The following EPB41L4A variants were observed in gnomAD, a reference collection of about 807,000 sequenced individuals.
The protein encoded by EPB41L4A is band 4.1-like protein 4A.
EPB41L4A carries 100 observed loss-of-function variants against 108.6 expected under a neutral mutation model. The ratio of observed to expected loss-of-function variants is 0.92; its 90% CI spans 0.78 to 1.09. The LOEUF is 1.09. EPB41L4A is among the 50% of genes least tolerant of loss of function. EPB41L4A has a pLI of 0.00. For missense variants in EPB41L4A, 1,030 were observed against 842.7 expected (o/e 1.22, Z -2.75); for synonymous variants, 319 against 289.0 (o/e 1.10, Z -1.05).
chr5:112,272,978 A>C (rs1195160148), intron 4 of EPB41L4A, among the ~76,000 whole-genome samples: 1 of 152,126 alleles, frequency 6.6e-6, no homozygotes, highest in Non-Finnish European at 1.5e-5. Context: ...CAAAGAACTA[A>C]ATTAAGATAA....
intron 12 of EPB41L4A, chr5:112,146,108 T>C: frequency 2.6e-6 from 1 of 378,586 alleles, no homozygotes. Flanking sequence ...GATAGGGTCT[T>C]ACAGAATCGA....
chr5:112,256,254 A>G (rs1210477213), intron 9 of EPB41L4A, among the ~76,000 whole-genome samples: 1 of 147,652 alleles, frequency 6.8e-6, no homozygotes, highest in South Asian at 2.1e-4. Flanking sequence ...AAAACCAAGA[A>G]CTAACACATA....
intron 1 of EPB41L4A, among the ~76,000 whole-genome samples, chr5:112,365,560 G>A (rs1035540898): frequency 4.6e-5 from 7 of 152,180 alleles, no homozygotes; most frequent in African/African-American, 1.7e-4. Context: ...TATATACCTG[G>A]CACCCAGCCT....
intron 2 of EPB41L4A, 120 bp downstream of exon 2, chr5:112,307,266 A>G (rs1252079913): frequency 1.9e-5 from 12 of 629,298 alleles, no homozygotes; most frequent in Non-Finnish European, 3.0e-5. Context: ...AACATGTTTG[A>G]GATTTTCAAA....
At chr5:112,308,811 A>T (rs1381785791) in intron 1 of EPB41L4A, among the ~76,000 whole-genome samples, 1 of 151,926 alleles carries the variant, frequency 6.6e-6, no homozygotes, top group Non-Finnish European at 1.5e-5. Context: ...GACCATTACA[A>T]TTCATTTGAT....
downstream of EPB41L4A, chr5:112,158,449 GAA>G (rs758604415): frequency 2.3e-6 from 1 of 428,898 alleles, no homozygotes; most frequent in South Asian, 1.7e-5. Flanking sequence ...ATACCTAAGG[GAA>G]CAAATATCAG....
chr5:112,361,825 T>A (rs1244608147), intron 1 of EPB41L4A, among the ~76,000 whole-genome samples: 1 of 152,066 alleles, frequency 6.6e-6, no homozygotes, highest in African/African-American at 2.4e-5. Flanking sequence ...AGGCAGCAGT[T>A]GCAGTGAGCC....
At position 112,170,339 on chromosome 5, in the gene EPB41L4A, G is replaced by A. The variant is rs767035351; in HGVS notation, c.1701C>T (p.Ser567=). Residue 567 remains serine, a synonymous_variant, in exon 20 of 23, where the codon TCC becomes TCT. Coordinates refer to ENST00000261486, the MANE Select transcript of EPB41L4A (RefSeq NM_022140.5). The part of the protein sequence containing the change: ...QKELVDPSGL[S]EEQLKEIPYT... ...ATGGAATCTCTTTTAATTGTTCTTCGGACAATCCGGATGGATCCACAAGTT... is the reference window on the plus strand; with the variant it reads ...ATGGAATCTCTTTTAATTGTTCTTCAGACAATCCGGATGGATCCACAAGTT... 2.9e-5 allele frequency: 47 copies of A among 1,612,536 alleles called. No individual in the cohort carries two copies. Among genetic ancestry groups the A allele is most frequent in the East Asian group, 1.6e-4 (7 of 44,844 alleles).
chr5:112,265,151 AT>A, intron 5 of EPB41L4A, 135 bp from the exon 6 acceptor site: 1 of 770,162 alleles, frequency 1.3e-6, no homozygotes, highest in Non-Finnish European at 1.9e-6. Flanking sequence ...CAACTAAATA[AT>A]TTTACTAAAA....
chr5:112,385,888 T>C (rs1433394691), intron 1 of EPB41L4A, among the ~76,000 whole-genome samples: 1 of 152,236 alleles, frequency 6.6e-6, no homozygotes, highest in Non-Finnish European at 1.5e-5. Flanking sequence ...GTGGGCAACA[T>C]GCACTGAATT....
intron 2 of EPB41L4A, among the ~76,000 whole-genome samples, chr5:112,305,794 A>T (rs998790898): frequency 6.6e-6 from 1 of 152,196 alleles, no homozygotes; most frequent in Non-Finnish European, 1.5e-5. Context: ...TGCACACCTG[A>T]TATTCTTATC....
At chr5:112,277,467 T>C (rs944521340) in intron 3 of EPB41L4A, among the ~76,000 whole-genome samples, 1 of 152,218 alleles carries the variant, frequency 6.6e-6, no homozygotes, top group African/African-American at 2.4e-5. Flanking sequence ...GTTCTAAATA[T>C]AAGGCATTAT....
intron 2 of EPB41L4A, among the ~76,000 whole-genome samples, chr5:112,289,095 A>G (rs1168371022): frequency 6.6e-6 from 1 of 152,230 alleles, no homozygotes; most frequent in African/African-American, 2.4e-5. Flanking sequence ...GGTATAATGT[A>G]GTATTCCTCC....
chr5:112,169,026 C>CTGAA lies in EPB41L4A; in HGVS notation c.1815_1818dup (p.Asp607PhefsTer45), dbSNP rs1438380073. 1.9e-6 allele frequency: 3 copies of CTGAA among 1,613,970 alleles called. No homozygotes were observed. In the African/African-American group the frequency reaches 4.0e-5, roughly 22 times the overall value. On this transcript the variant is annotated frameshift_variant, in exon 21 of 23. Transcript: ENST00000261486. LOFTEE classifies it high-confidence loss of function. ...TCCGAGAGAACTGATCGCTCCCCATCTGAACACTGGGACCTGCGATACTGG... is the reference window on the plus strand; with the variant it reads ...TCCGAGAGAACTGATCGCTCCCCATCTGAATGAACACTGGGACCTGCGATACTGG...
chr5:112,345,780 TAC>T (rs60638685), intron 1 of EPB41L4A, among the ~76,000 whole-genome samples: 1,765 of 74,570 alleles, frequency 0.024, 16 homozygotes, highest in East Asian at 0.099. Flanking sequence ...TATATATATA[TAC>T]ACACACACAC....
In EPB41L4A at chr5:112,189,025, TA is replaced by T. The variant is rs550307114; in HGVS notation, c.1503-4891del. Reference sequence around the variant, plus strand: ...TATAAAAGACCTTATGGAACATAATTAAAATATTTAAATCTGTCTTAATCTA... The same window carrying T: ...TATAAAAGACCTTATGGAACATAATTAAATATTTAAATCTGTCTTAATCTA... On this transcript the variant is annotated intron_variant, in intron 17 of 22. Transcript: ENST00000261486. 5.3e-4 allele frequency among the ~76,000 whole-genome samples: 81 copies of T among 152,340 alleles called. 1 individual carries two copies. Among genetic ancestry groups the T allele is most frequent in the African/African-American group, 1.9e-3 (80 of 41,576 alleles).
intron 1 of EPB41L4A, among the ~76,000 whole-genome samples, chr5:112,383,276 TA>T (rs1760287402): frequency 6.6e-6 from 1 of 152,224 alleles, no homozygotes; most frequent in South Asian, 2.1e-4. Context: ...AAATACAAGA[TA>T]AACTGTTTTC....
rs115791179 is a variant in EPB41L4A at position 112,366,982 on chromosome 5, C to T, written c.99+51959G>A. ...ATCTCCGCCACTGGTCAGAACAGAA[C>T]TTGGGTCCTTCACAATGTGGCTCTG... is the stretch of plus-strand genomic sequence containing the variant. On this transcript the variant is annotated intron_variant, in intron 1 of 22. Transcript: ENST00000261486. Among the ~76,000 whole-genome samples the T allele has an allele frequency of 3.0e-3, 457 of 152,300 alleles. 4 individuals carry two copies. Among genetic ancestry groups the T allele is most frequent in the Middle Eastern group, 6.8e-3 (2 of 294 alleles).
At chr5:112,189,213 G>A (rs543852444) in intron 17 of EPB41L4A, among the ~76,000 whole-genome samples, 48 of 152,304 alleles carry the variant, frequency 3.2e-4, no homozygotes, top group Admixed American at 1.2e-3. Context: ...TACAGATCCT[G>A]CAGGAACTTC....
Sources: allele counts gnomAD v4.1 joint callset (sites outside exome capture counted in the v4.1 genomes callset), GRCh38; gene constraint gnomAD v4.1.1; transcripts MANE v1.5; gene names NCBI Gene and HGNC (gene_info 2026-07-23, HGNC 2026-07-21).